Variants in CACNG7 observed in about 807,000 individuals in gnomAD.
The protein encoded by CACNG7 is calcium voltage-gated channel auxiliary subunit gamma 7, also known as voltage-dependent calcium channel gamma-7 subunit.
CACNG7 carries 9 observed loss-of-function variants against 26.3 expected under a neutral mutation model. That is an observed-to-expected ratio of 0.34 (90% CI 0.21 to 0.60). The LOEUF is 0.60. Ranked by LOEUF, CACNG7 falls within the 20% of genes least tolerant of loss-of-function variation. The pLI is 0.81. For missense variants in CACNG7, 297 were observed against 380.4 expected (o/e 0.78, Z 1.82); for synonymous variants, 170 against 157.0 (o/e 1.08, Z -0.62).
chr19:53,927,077 G>A (rs754437730), intron 4 of CACNG7, among the ~76,000 whole-genome samples: 5 of 151,956 alleles, frequency 3.3e-5, no homozygotes, highest in South Asian at 2.1e-4. Context: ...CTGCCACCAC[G>A]CCTGGCTAAT....
chr19:53,942,480 C>G lies in CACNG7; in HGVS notation c.*187C>G. The G allele has an allele frequency of 7.0e-7, 1 of 1,435,726 alleles. No homozygotes were observed. The highest frequency in any genetic ancestry group is 9.1e-7 in the Non-Finnish European group (1 of 1,099,764). The allele number at this position is 1,435,726 out of a possible 1,614,324, so 88.9% of individuals were successfully genotyped here. A position where few individuals can be genotyped will look rare whatever the true frequency, so the allele number is the denominator to read the frequency against. On this transcript the variant is annotated 3_prime_UTR_variant, in exon 6 of 6. Transcript: ENST00000391767. This position sits in a 1 kb window ranked among gnomAD's most constrained non-coding sequence, Gnocchi z 5.9. ...GACTCCCTTATTTCAATGGCCGCGC[C>G]CTCTTTTCCCGACCTCTCCTTTTCA...
At chr19:53,930,526 C>T (rs758921107) in intron 4 of CACNG7, among the ~76,000 whole-genome samples, 15 of 152,182 alleles carry the variant, frequency 9.9e-5, no homozygotes, top group Non-Finnish European at 2.1e-4. Context: ...GTGCCTGCCA[C>T]CACGCTCTGC....
At chr19:53,923,372 TC>T (rs1194920715) in intron 4 of CACNG7, among the ~76,000 whole-genome samples, 8 of 63,916 alleles carry the variant, frequency 1.3e-4, no homozygotes, top group African/African-American at 4.1e-4. Context: ...CCAGGTCTGG[TC>T]ATTGGTGGAG....
chr19:53,942,045 G>C lies in CACNG7; in HGVS notation c.580G>C (p.Val194Leu), dbSNP rs1402804492. Residue 194 changes from valine to leucine, a missense_variant, in exon 6 of 6, where the codon GTG (valine) becomes CTG (leucine). By Grantham distance (32) the Val-to-Leu change is conservative. Transcript: ENST00000391767. The surrounding 1 kb of genome is among the most constrained non-coding windows in gnomAD (Gnocchi z 5.9). Reference sequence around the variant, plus strand: ...CCTTGCCTTGCCGCAGGGGGCCGGCGTGATGTCCGTGTACCTGTTCACCAA... The same window carrying C: ...CCTTGCCTTGCCGCAGGGGGCCGGCCTGATGTCCGTGTACCTGTTCACCAA... ...SSFLLKEGAG[V>L]MSVYLFTKRY... 6.3e-7 allele frequency: 1 copy of C among 1,594,354 alleles called. No individual in the cohort carries two copies. The highest frequency in any genetic ancestry group is 8.6e-7 in the Non-Finnish European group (1 of 1,165,836).
At chr19:53,941,674 G>C (rs763278689) in intron 5 of CACNG7, 59 bp downstream of exon 5, 1 of 1,567,628 alleles carries the variant, frequency 6.4e-7, no homozygotes, top group Non-Finnish European at 8.6e-7. Flanking sequence ...TTGGGGGCCT[G>C]GTTCCTGAGT....
chr19:53,918,233 T>A (rs2068910983), intron 4 of CACNG7, among the ~76,000 whole-genome samples: 1 of 152,198 alleles, frequency 6.6e-6, no homozygotes, highest in Admixed American at 6.5e-5. Flanking sequence ...CAAATCTTGA[T>A]CAGTGGTTGG....
chr19:53,922,437 T>G (rs1485213559), intron 4 of CACNG7, among the ~76,000 whole-genome samples: 2 of 114,286 alleles, frequency 1.7e-5, no homozygotes. Flanking sequence ...GTCTGGTCAT[T>G]GGTGGAGTTG....
rs967080427 is a variant in CACNG7, at chr19:53,915,378, G to A, written c.297G>A (p.Thr99=). The change falls in exon 4 of 6, where the codon ACG becomes ACA. Residue 99 remains threonine, a synonymous_variant. Transcript: ENST00000391767. ...TCCCCTCCCCAGAGACAGTGCGCAC[G>A]GCCACCCCCTTCCCCATGGTCAGCC... is the stretch of plus-strand genomic sequence containing the variant. ...NTENILKTVR[T]ATPFPMVSLF... The A allele has an allele frequency of 1.9e-6, 3 of 1,610,652 alleles. No homozygotes were observed. The highest frequency in any genetic ancestry group is 1.7e-4 in the Middle Eastern group (1 of 6,052).
intron 4 of CACNG7, among the ~76,000 whole-genome samples, chr19:53,931,708 A>AT (rs1568781871): frequency 6.9e-6 from 1 of 145,580 alleles, no homozygotes; most frequent in Non-Finnish European, 1.5e-5. Flanking sequence ...AAAAAAAAAA[A>AT]GAAAGGAAAA....
intron 3 of CACNG7, among the ~76,000 whole-genome samples, chr19:53,914,934 G>A (rs1482184896): frequency 6.6e-6 from 1 of 151,660 alleles, no homozygotes; most frequent in Non-Finnish European, 1.5e-5. Flanking sequence ...CCTGGGAGGT[G>A]GAGCTTGCAG....
intron 4 of CACNG7, among the ~76,000 whole-genome samples, chr19:53,924,341 G>A (rs1016342628): frequency 6.9e-6 from 1 of 143,996 alleles, no homozygotes; most frequent in African/African-American, 2.6e-5. Context: ...ACTTGCCGCA[G>A]GTCTGGTCAT....
rs1240318230 is a variant in CACNG7 at position 53,915,275 on chromosome 19, C to G, written c.284-90C>G. The G allele has an allele frequency of 2.4e-5, 23 of 962,718 alleles. 2 individuals carry two copies. Among genetic ancestry groups the G allele is most frequent in the Non-Finnish European group, 2.1e-5 (13 of 612,088 alleles). The allele number at this position is 962,718 out of a possible 1,614,324, so 59.6% of individuals were successfully genotyped here. On this transcript the variant is annotated intron_variant, in intron 3 of 5. Transcript: ENST00000391767. ...GAAAGGGAGGAGCCAAACAAAAACG[C>G]AGAGGTGGTGAGAGCAGAGGTCAAG...
At chr19:53,931,863 G>A (rs1001353634) in intron 4 of CACNG7, among the ~76,000 whole-genome samples, 36 of 146,480 alleles carry the variant, frequency 2.5e-4, no homozygotes, top group Middle Eastern at 3.5e-3. Context: ...CCAGGTTTGC[G>A]CCATTTTCCT....
intron 4 of CACNG7, among the ~76,000 whole-genome samples, chr19:53,919,852 G>GT (rs74209071): frequency 6.6e-5 from 9 of 136,594 alleles, no homozygotes; most frequent in East Asian, 4.6e-4. Context: ...GTTGCCCCAG[G>GT]CTGGTCATTG....
rs13346009 is a variant in CACNG7 at position 53,912,470 on chromosome 19, C to T, written c.-29-333C>T. Among the ~76,000 whole-genome samples the T allele has an allele frequency of 0.033, 5,071 of 152,208 alleles. 256 individuals carry two copies. The highest frequency in any genetic ancestry group is 0.12 in the African/African-American group (4,784 of 41,510). On this transcript the variant is annotated intron_variant, in intron 1 of 5. Transcript: ENST00000391767. This position sits in a 1 kb window ranked among gnomAD's most constrained non-coding sequence, Gnocchi z 4.6. ...GCTCGGAGTCACAGTATTTGGGACCCAGGTCCAAACACGGTTGGAGCCAAG... is the reference window on the plus strand; with the variant it reads ...GCTCGGAGTCACAGTATTTGGGACCTAGGTCCAAACACGGTTGGAGCCAAG...
rs541240953 is a variant in CACNG7, at chr19:53,942,178, G to A, written c.713G>A (p.Arg238His). 4 of 1,614,012 alleles carry A rather than the reference G, an allele frequency of 2.5e-6. No homozygotes were observed. Among genetic ancestry groups the A allele is most frequent in the Admixed American group, 1.7e-5 (1 of 60,006 alleles). ...SGQFLQPEAW[R>H]RGRSPSDISS... Reference sequence around the variant, plus strand: ...CAGTTCCTGCAGCCCGAGGCGTGGCGCCGCGGCCGGAGCCCCTCCGACATC... The same window carrying A: ...CAGTTCCTGCAGCCCGAGGCGTGGCACCGCGGCCGGAGCCCCTCCGACATC... Residue 238 changes from arginine to histidine, a missense_variant, in exon 6 of 6, where the codon CGC becomes CAC. Transcript: ENST00000391767. This position sits in a 1 kb window ranked among gnomAD's most constrained non-coding sequence, Gnocchi z 5.9.
chr19:53,913,805 A>AG lies in CACNG7; in HGVS notation c.197-695_197-694insG, dbSNP rs1311491899. On this transcript the variant is annotated intron_variant, in intron 2 of 5. Coordinates refer to ENST00000391767, the MANE Select transcript of CACNG7 (RefSeq NM_031896.5). ...TCTCTTAAAAAAAAAAAAAAAAAAA[A>AG]AAAGAAAATCTATACCTCCCAGGGA... Among the ~76,000 whole-genome samples, 6 of 151,376 alleles carry AG rather than the reference A, an allele frequency of 4.0e-5. 1 individual carries two copies. The highest frequency in any genetic ancestry group is 1.9e-4 in the East Asian group (1 of 5,174).
chr19:53,910,634 CA>C (rs955546205), intron 1 of CACNG7, among the ~76,000 whole-genome samples: 1 of 152,072 alleles, frequency 6.6e-6, no homozygotes, highest in African/African-American at 2.4e-5. Context: ...TTGAGACCCC[CA>C]AATCACGGGA....
In CACNG7 at chr19:53,942,457, C is replaced by T; in HGVS notation, c.*164C>T. The T allele has an allele frequency of 2.7e-6, 4 of 1,471,906 alleles. No individual in the cohort carries two copies. Among genetic ancestry groups the T allele is most frequent in the South Asian group, 1.4e-5 (1 of 71,844 alleles). The allele number at this position is 1,471,906 out of a possible 1,614,324, so 91.2% of individuals were successfully genotyped here. On this transcript the variant is annotated 3_prime_UTR_variant, in exon 6 of 6. Transcript: ENST00000391767. The surrounding 1 kb of genome is among the most constrained non-coding windows in gnomAD (Gnocchi z 5.9). ...TCCTCCCAATGGCTCCGCCCACAGA[C>T]TCCCTTATTTCAATGGCCGCGCCCT...
Sources: allele counts gnomAD v4.1 joint callset (sites outside exome capture counted in the v4.1 genomes callset), GRCh38; gene constraint gnomAD v4.1.1; non-coding constraint Gnocchi (gnomAD v3.1); transcripts MANE v1.5; gene names NCBI Gene and HGNC (gene_info 2026-07-23, HGNC 2026-07-21).